The following TMEM231 variants were observed in gnomAD, a reference collection of about 807,000 sequenced individuals.
TMEM231 encodes the protein transmembrane protein 231.
In TMEM231, 40 loss-of-function variants were observed where a neutral mutation model predicts 38.5. The ratio of observed to expected loss-of-function variants is 1.04; its 90% CI spans 0.81 to 1.35. The LOEUF (loss-of-function observed/expected upper bound fraction) is 1.35. Ranked by LOEUF, TMEM231 falls within the 40% of genes most tolerant of loss-of-function variation. The probability of loss-of-function intolerance (pLI) is 0.00; values close to 1 mark genes in which losing one functional copy is unlikely to be tolerated. For synonymous variants in TMEM231, 199 were observed against 181.7 expected, an observed-to-expected ratio of 1.10 and a Z score of -0.77; for missense variants, 420 against 416.9, an observed-to-expected ratio of 1.01 and a Z score of -0.07.
Position 75,545,340 on chromosome 16 carries a change from A to T in TMEM231, c.582+12T>A, listed in dbSNP as rs1296090010. 5.6e-6 allele frequency: 9 copies of T among 1,607,186 alleles called. No homozygotes were observed. The highest frequency in any genetic ancestry group is 7.7e-6 in the Non-Finnish European group (9 of 1,175,472). On this transcript the variant is annotated intron_variant, in intron 4 of 6. Transcript: ENST00000258173. ...AGAAACAAAGGAGCTGGACAATGAG[A>T]AGCGCTCTTACGTTGTATCGGGCAT... is the stretch of plus-strand genomic sequence containing the variant.
chr16:75,546,346 C>G (rs776841259), intron 2 of TMEM231, among the ~76,000 whole-genome samples: 6 of 152,180 alleles, frequency 3.9e-5, no homozygotes, highest in Non-Finnish European at 8.8e-5. Flanking sequence ...TTCTATGTCT[C>G]TAGAAGTCAA....
chr16:75,550,223 C>T (rs565946432), intron 2 of TMEM231, among the ~76,000 whole-genome samples: 86 of 152,276 alleles, frequency 5.6e-4, no homozygotes, highest in African/African-American at 1.9e-3. Context: ...AAGAAGGGAC[C>T]GCGGCCCAGA....
chr16:75,547,661 C>G (rs1458477598), intron 2 of TMEM231, among the ~76,000 whole-genome samples: 1 of 152,114 alleles, frequency 6.6e-6, no homozygotes, highest in African/African-American at 2.4e-5. Context: ...TGCCTGTAAT[C>G]CCAGCTACTC....
intron 2 of TMEM231, among the ~76,000 whole-genome samples, chr16:75,554,239 C>T (rs980095392): frequency 2.6e-5 from 4 of 152,050 alleles, no homozygotes; most frequent in African/African-American, 9.7e-5. Context: ...TGTTTAAAGG[C>T]ATAAGATTTA....
At chr16:75,545,242 G>A (rs537560456) in intron 4 of TMEM231, 110 bp downstream of exon 4, 2 of 1,446,922 alleles carry the variant, frequency 1.4e-6, no homozygotes, top group East Asian at 4.7e-5. Flanking sequence ...TTACAGGTAT[G>A]AGCCACTGCG....
chr16:75,553,884 C>T (rs956929064), intron 2 of TMEM231, among the ~76,000 whole-genome samples: 1 of 152,040 alleles, frequency 6.6e-6, no homozygotes, highest in African/African-American at 2.4e-5. Context: ...CTTGAGATAA[C>T]ATTTGCATTG....
At position 75,555,938 on chromosome 16, in the gene TMEM231, G is replaced by C. The variant is rs1841504562; in HGVS notation, c.175C>G (p.Pro59Ala). 1.6e-5 allele frequency: 26 copies of C among 1,604,304 alleles called. No individual in the cohort carries two copies. Among genetic ancestry groups the C allele is most frequent in the Non-Finnish European group, 2.1e-5 (25 of 1,176,034 alleles). ...WLKRSSYEEQ[P>A]TVRFQHQVLL... is the part of the protein sequence containing the mutation. ...ACCTGGTGTTGGAAGCGCACGGTCG[G>C]CTGCTCCTCGTAGCTGCTCCGCTTC... is the stretch of plus-strand genomic sequence containing the variant. Residue 59 changes from proline (P) to alanine (A), a missense_variant, in exon 2 of 7, where the codon CCG (proline) becomes GCG (alanine). Physicochemically the swap from Pro to Ala is conservative, Grantham distance 27. Coordinates refer to ENST00000258173, the MANE Select transcript of TMEM231 (RefSeq NM_001077418.3).
In TMEM231 at chr16:75,543,945, G is replaced by A. The variant is rs145893715; in HGVS notation, c.583-1262C>T. Among the ~76,000 whole-genome samples, 1,456 of 152,234 alleles carry A rather than the reference G, an allele frequency of 9.6e-3. 6 individuals are homozygous for A. The highest frequency in any genetic ancestry group is 0.014 in the Non-Finnish European group (966 of 68,022). ...TAACATCCCTTTTTCATTTTCAGAA[G>A]TACCTCAGCTCAACTTCTATGGTCC... On this transcript the variant is annotated intron_variant, in intron 4 of 6. Transcript: ENST00000258173.
chr16:75,551,818 C>T (rs1224973836), intron 2 of TMEM231, among the ~76,000 whole-genome samples: 6 of 151,736 alleles, frequency 4.0e-5, no homozygotes, highest in South Asian at 2.1e-4. Flanking sequence ...AAAAATCAGC[C>T]GGCCGTGGTG....
rs754078071 is a variant in TMEM231, at chr16:75,556,195, C to G, written c.15G>C (p.Glu5Asp). 11 of 1,479,890 alleles carry G rather than the reference C, an allele frequency of 7.4e-6. No individual in the cohort carries two copies. Among genetic ancestry groups the G allele is most frequent in the Non-Finnish European group, 8.9e-6 (10 of 1,121,916 alleles). 91.7% of individuals were successfully genotyped at this position (1,479,890 alleles called of 1,614,324 possible). A position where few individuals can be genotyped will look rare whatever the true frequency, so the allele number is the denominator to read the frequency against. ...TGCGCTCGACCGGGTGAGAGAAGAG[C>G]TCATAGAGCGCCATGAGCACCGCTC... is the stretch of plus-strand genomic sequence containing the variant. MALY[E>D]LFSHPVERSY... The change falls in exon 1 of 7, where the codon GAG becomes GAC. Residue 5 changes from glutamate to aspartate, a missense_variant. Glu to Asp is a conservative substitution (Grantham distance 45). Transcript: ENST00000258173.
intron 2 of TMEM231, among the ~76,000 whole-genome samples, chr16:75,547,446 C>T (rs1485364315): frequency 6.6e-6 from 1 of 152,124 alleles, no homozygotes; most frequent in East Asian, 1.9e-4. Flanking sequence ...TCCTCTCTGC[C>T]CTGTTTCATC....
intron 2 of TMEM231, among the ~76,000 whole-genome samples, chr16:75,548,555 G>C (rs986589751): frequency 2.0e-5 from 3 of 152,180 alleles, no homozygotes; most frequent in African/African-American, 7.2e-5. Context: ...GCTAAAATTA[G>C]AGAATAATGA....
intron 5 of TMEM231, chr16:75,542,004 G>A (rs1414474552): frequency 6.5e-6 from 1 of 153,648 alleles, no homozygotes; most frequent in African/African-American, 2.4e-5. Context: ...TCCCCCTTGT[G>A]AGACGTCTGT....
At chr16:75,544,949 C>CTTTTTTTTTTTTTTTTTTTTTT (rs71134720) in intron 4 of TMEM231, among the ~76,000 whole-genome samples, 1 of 89,624 alleles carries the variant, frequency 1.1e-5, no homozygotes, top group Non-Finnish European at 2.4e-5. Context: ...TTTTCTTTTT[C>CTTTTTTTTTTTTTTTTTTTTTT]TTTTTTTTTT....
intron 2 of TMEM231, among the ~76,000 whole-genome samples, chr16:75,552,409 C>T (rs536357838): frequency 1.3e-5 from 2 of 152,250 alleles, no homozygotes; most frequent in East Asian, 1.9e-4. Context: ...GCCAAGATTG[C>T]GCCACTGAAC....
intron 2 of TMEM231, 144 bp downstream of exon 2, chr16:75,555,660 A>G (rs967081304): frequency 7.4e-6 from 6 of 810,448 alleles, no homozygotes; most frequent in Non-Finnish European, 1.1e-5. Context: ...CTAGGAGATG[A>G]AACGCCACCT....
At chr16:75,552,015 C>T (rs1389718391) in intron 2 of TMEM231, among the ~76,000 whole-genome samples, 1 of 151,724 alleles carries the variant, frequency 6.6e-6, no homozygotes. Flanking sequence ...TAAATTGATT[C>T]AGGGATTCCT....
At chr16:75,549,360 A>G (rs992430706) in intron 2 of TMEM231, among the ~76,000 whole-genome samples, 3 of 152,248 alleles carry the variant, frequency 2.0e-5, no homozygotes, top group South Asian at 2.1e-4. Context: ...GAGAATTCAC[A>G]TATCACACCA....
chr16:75,555,861 G>A lies in TMEM231; in HGVS notation c.252C>T (p.Ser84=). Residue 84 remains serine, a synonymous_variant, in exon 2 of 7, where the codon AGC becomes AGT. Coordinates refer to ENST00000258173, the MANE Select transcript of TMEM231 (RefSeq NM_001077418.3). ...GPESDGFLAW[S]TFPAFNRLQG... The stretch of plus-strand genomic sequence containing the variant: ...GCAGCCGGTTGAAGGCGGGGAACGT[G>A]CTCCAGGCGAGGAACCCGTCGCTTT... The A allele has an allele frequency of 6.3e-7, 1 of 1,587,264 alleles. No homozygotes were observed. The highest frequency in any genetic ancestry group is 8.6e-7 in the Non-Finnish European group (1 of 1,167,220).
Sources: gnomAD v4.1 joint callset for allele counts (sites outside exome capture counted in the v4.1 genomes callset) on GRCh38, gnomAD v4.1.1 for gene constraint, MANE v1.5 for transcripts, NCBI Gene and HGNC (gene_info 2026-07-23, HGNC 2026-07-21) for gene names.